The following NR2F1 variants were observed in gnomAD, a reference collection of about 807,000 sequenced individuals.
NR2F1 encodes the protein COUP transcription factor 1.
NR2F1 carries 1 observed loss-of-function variant against 37.7 expected under a neutral mutation model. The observed-to-expected ratio is 0.03, with a 90% CI of 0.01 to 0.13. The LOEUF (loss-of-function observed/expected upper bound fraction) is 0.13, where lower values mean the gene tolerates loss of function less well. Ranked by LOEUF, NR2F1 falls within the 10% of genes least tolerant of loss-of-function variation. The probability of loss-of-function intolerance (pLI) is 1.00; values close to 1 mark genes in which losing one functional copy is unlikely to be tolerated. For missense variants in NR2F1, 268 were observed against 578.4 expected, an observed-to-expected ratio of 0.46 and a Z score of 5.50; for synonymous variants, 275 against 259.6, an observed-to-expected ratio of 1.06 and a Z score of -0.57.
chr5:93,590,259 A>G (rs1014446031), intron 2 of NR2F1, among the ~76,000 whole-genome samples: 5 of 152,138 alleles, frequency 3.3e-5, no homozygotes, highest in African/African-American at 1.2e-4. Flanking sequence ...TTGGAACTGG[A>G]CAGACGTTTT....
In NR2F1 at chr5:93,588,074, C is replaced by T. The variant is rs770917439; in HGVS notation, c.621C>T (p.Cys207=). The change falls in exon 2 of 3, where the codon TGC becomes TGT. Residue 207 remains cysteine, a synonymous_variant. Transcript: ENST00000327111. ...CCACGTCGCGCTACGGCAGCCAGTG[C>T]ATGCAGCCCAACAACATTATGGGCA... ...PYPTSRYGSQ[C]MQPNNIMGIE... The T allele has an allele frequency of 2.5e-6, 4 of 1,614,150 alleles. No homozygotes were observed. The Middle Eastern group carries it at 4.9e-4, about 200-fold the overall frequency.
chr5:93,585,507 T>G (rs757654995), intron 1 of NR2F1, 21 bp downstream of exon 1: 3 of 1,587,264 alleles, frequency 1.9e-6, no homozygotes, highest in African/African-American at 1.3e-5. Flanking sequence ...CTTCTCTGCT[T>G]CTCTCCCCGC....
rs564920675 is a variant in NR2F1 at position 93,586,829 on chromosome 5, T to C, written c.464-1088T>C. On this transcript the variant is annotated intron_variant, in intron 1 of 2. Coordinates refer to ENST00000327111, the MANE Select transcript of NR2F1 (RefSeq NM_005654.6). ...ATTCTAGGCATTATGTTTCAAGAGCTTCAATTGCACTGGAACTTGCATTAA... is the reference window on the plus strand; with the variant it reads ...ATTCTAGGCATTATGTTTCAAGAGCCTCAATTGCACTGGAACTTGCATTAA... Among the ~76,000 whole-genome samples, 12 of 152,254 alleles carry C rather than the reference T, an allele frequency of 7.9e-5. No homozygotes were observed. In the South Asian group the frequency reaches 2.5e-3, roughly 32 times the overall value.
At position 93,594,022 on chromosome 5, in the gene NR2F1, A is replaced by T; in HGVS notation, c.*180A>T. The T allele has an allele frequency of 1.7e-6, 1 of 589,832 alleles. No homozygotes were observed. The highest frequency in any genetic ancestry group is 3.0e-6 in the Non-Finnish European group (1 of 336,570). 36.5% of individuals were successfully genotyped at this position (589,832 alleles called of 1,614,324 possible). Reference sequence around the variant, plus strand: ...AGAAATACAATCCGAGCTACAAAGCATGGGAAAAAGAGACTCTTTTAGGAT... The same window carrying T: ...AGAAATACAATCCGAGCTACAAAGCTTGGGAAAAAGAGACTCTTTTAGGAT... On this transcript the variant is annotated 3_prime_UTR_variant, in exon 3 of 3. Coordinates refer to ENST00000327111, the MANE Select transcript of NR2F1 (RefSeq NM_005654.6).
chr5:93,585,062 C>T lies in NR2F1; in HGVS notation c.39C>T (p.Asp13=). 1 of 1,035,506 alleles carries T rather than the reference C, an allele frequency of 9.7e-7. No homozygotes were observed. The highest frequency in any genetic ancestry group is 4.0e-5 in the South Asian group (1 of 25,316). The allele number at this position is 1,035,506 out of a possible 1,614,324, so 64.1% of individuals were successfully genotyped here. A position where few individuals can be genotyped will look rare whatever the true frequency, so the allele number is the denominator to read the frequency against. Residue 13 remains aspartate (D), a synonymous_variant, in exon 1 of 3, where the codon GAC becomes GAT. Transcript: ENST00000327111. Reference sequence around the variant, plus strand: ...TTAGCAGCTGGCGAGATCCGCAGGACGACGTGGCCGGGGGCAACCCCGGCG... The same window carrying T: ...TTAGCAGCTGGCGAGATCCGCAGGATGACGTGGCCGGGGGCAACCCCGGCG... ...MVVSSWRDPQ[D]DVAGGNPGGP...
chr5:93,594,449 A>G lies in NR2F1; in HGVS notation c.*607A>G, dbSNP rs1391753315. The stretch of plus-strand genomic sequence containing the variant: ...GTCTATGTATCTATATCTGTTTTGT[A>G]TTTTTTTCTGGTTCCAAACCAGATT... On this transcript the variant is annotated 3_prime_UTR_variant, in exon 3 of 3. Coordinates refer to ENST00000327111, the MANE Select transcript of NR2F1 (RefSeq NM_005654.6). The G allele has an allele frequency of 6.6e-6, 1 of 152,106 alleles. No individual in the cohort carries two copies. Among genetic ancestry groups the G allele is most frequent in the Non-Finnish European group, 1.5e-5 (1 of 68,018 alleles). 9.4% of individuals were successfully genotyped at this position (152,106 alleles called of 1,614,324 possible). A position where few individuals can be genotyped will look rare whatever the true frequency, so the allele number is the denominator to read the frequency against.
chr5:93,588,803 GTGTGTGTGTCTC>G (rs1561525383), intron 2 of NR2F1, among the ~76,000 whole-genome samples: 6 of 151,782 alleles, frequency 4.0e-5, no homozygotes, highest in Admixed American at 6.5e-5. Flanking sequence ...GTGTGTGTGT[GTGTGTGTGTCTC>G]TGTGTGTGTG....
In NR2F1 at chr5:93,588,138, A is replaced by C. The variant is rs762145918; in HGVS notation, c.685A>C (p.Ser229Arg). The part of the protein sequence containing the change: ...ICELAARLLF[S>R]AVEWARNIPF... The stretch of plus-strand genomic sequence containing the variant: ...CGAGCTGGCCGCGCGCCTGCTCTTC[A>C]GCGCCGTCGAGTGGGCCCGCAACAT... Residue 229 changes from serine (S) to arginine (R), a missense_variant, in exon 2 of 3, where the codon AGC becomes CGC. Around this residue, in one of 5 missense-constraint regions of NR2F1, gnomAD observed 21 missense variants for 94.5 expected, o/e 0.22. Coordinates refer to ENST00000327111, the MANE Select transcript of NR2F1 (RefSeq NM_005654.6). The C allele has an allele frequency of 6.2e-7, 1 of 1,613,880 alleles. No homozygotes were observed. The highest frequency in any genetic ancestry group is 8.5e-7 in the Non-Finnish European group (1 of 1,179,948).
chr5:93,588,572 G>A, intron 2 of NR2F1, 128 bp downstream of exon 2: 1 of 510,642 alleles, frequency 2.0e-6, no homozygotes, highest in Non-Finnish European at 2.5e-6. Context: ...GCTGGACACT[G>A]AGCCTGGCCC....
intron 2 of NR2F1, among the ~76,000 whole-genome samples, chr5:93,590,983 T>C (rs1753319930): frequency 6.6e-6 from 1 of 152,230 alleles, no homozygotes; most frequent in South Asian, 2.1e-4. Context: ...ATAAATACAA[T>C]AAATCCATTT....
chr5:93,593,237 T>C lies in NR2F1; in HGVS notation c.992-325T>C, dbSNP rs1753363810. On this transcript the variant is annotated intron_variant, in intron 2 of 2. Transcript: ENST00000327111. The surrounding 1 kb of genome is among the most constrained non-coding windows in gnomAD (Gnocchi z 5.6). ...GCAAACATGGTTCCAGCATTGTACA[T>C]TATTTAATCCAAAGGTGAAAGAGGA... is the stretch of plus-strand genomic sequence containing the variant. Among the ~76,000 whole-genome samples, 1 of 152,164 alleles carries C rather than the reference T, an allele frequency of 6.6e-6. No homozygotes were observed. Among genetic ancestry groups the C allele is most frequent in the Admixed American group, 6.5e-5 (1 of 15,284 alleles).
rs1379281477 is a variant in NR2F1 at position 93,593,929 on chromosome 5, G to A, written c.*87G>A. On this transcript the variant is annotated 3_prime_UTR_variant, in exon 3 of 3. Transcript: ENST00000327111. This position sits in a 1 kb window ranked among gnomAD's most constrained non-coding sequence, Gnocchi z 5.6. ...GGACTCCAAAGCCGCGGGGACACCG[G>A]GAAGTGCAGCGGGCCAGGCAGGCTG... is the stretch of plus-strand genomic sequence containing the variant. 2.2e-6 allele frequency: 3 copies of A among 1,385,224 alleles called. No individual in the cohort carries two copies. Among genetic ancestry groups the A allele is most frequent in the African/African-American group, 2.9e-5 (2 of 70,080 alleles). The allele number at this position is 1,385,224 out of a possible 1,614,324, so 85.8% of individuals were successfully genotyped here.
At chr5:93,588,767 C>T (rs1259841434) in intron 2 of NR2F1, among the ~76,000 whole-genome samples, 4 of 150,726 alleles carry the variant, frequency 2.7e-5, no homozygotes, top group Non-Finnish European at 5.9e-5. Context: ...TGCTGTGGAT[C>T]CGTCTGGCTG....
chr5:93,588,614 G>T (rs1420900160), intron 2 of NR2F1, among the ~76,000 whole-genome samples, 170 bp downstream of exon 2: 1 of 149,440 alleles, frequency 6.7e-6, no homozygotes, highest in Non-Finnish European at 1.5e-5. Flanking sequence ...TGACCGGCTG[G>T]CCGCGCCGCT....
rs1175423892 is a variant in NR2F1, at chr5:93,593,888, G to A, written c.*46G>A. On this transcript the variant is annotated 3_prime_UTR_variant, in exon 3 of 3. Transcript: ENST00000327111. This position sits in a 1 kb window ranked among gnomAD's most constrained non-coding sequence, Gnocchi z 5.6. The stretch of plus-strand genomic sequence containing the variant: ...GCCCCGTCCCCCTAGAGACTCAGAG[G>A]ACCCACCTGGGCCAAGGACTCCAAA... 1 of 1,579,032 alleles carries A rather than the reference G, an allele frequency of 6.3e-7. No homozygotes were observed. The highest frequency in any genetic ancestry group is 1.3e-5 in the African/African-American group (1 of 74,436).
intron 2 of NR2F1, among the ~76,000 whole-genome samples, chr5:93,591,503 C>A (rs1753328192): frequency 1.3e-5 from 2 of 152,198 alleles, no homozygotes; most frequent in South Asian, 4.1e-4. Flanking sequence ...TACAGGCATT[C>A]ACCTCCAAAG....
intron 2 of NR2F1, 143 bp downstream of exon 2, chr5:93,588,587 C>A: frequency 2.4e-6 from 1 of 418,318 alleles, no homozygotes; most frequent in Non-Finnish European, 3.2e-6. Context: ...TGGCCCGGGT[C>A]TGTGACCCCC....
intron 2 of NR2F1, among the ~76,000 whole-genome samples, chr5:93,588,801 GTGTGTGTGTGTCTC>G (rs1270358517): frequency 6.6e-6 from 1 of 151,720 alleles, no homozygotes; most frequent in African/African-American, 2.4e-5. Context: ...GCGTGTGTGT[GTGTGTGTGTGTCTC>G]TGTGTGTGTG....
chr5:93,585,703 C>G, intron 1 of NR2F1: 2 of 565,056 alleles, frequency 3.5e-6, no homozygotes, highest in Non-Finnish European at 6.3e-6. Context: ...CGCTCATCTC[C>G]CCGGCTCCCC....
Sources: allele counts gnomAD v4.1 joint callset (sites outside exome capture counted in the v4.1 genomes callset), GRCh38; gene constraint gnomAD v4.1.1; regional missense constraint gnomAD v4.1.1; non-coding constraint Gnocchi (gnomAD v3.1); transcripts MANE v1.5; gene names NCBI Gene and HGNC (gene_info 2026-07-23, HGNC 2026-07-21).